Variants in ACSM6 observed in about 807,000 individuals in gnomAD.
ACSM6 encodes acyl-CoA synthetase medium chain family member 6.
In ACSM6, 35 loss-of-function variants were observed where a neutral mutation model predicts 51.1. The observed-to-expected ratio is 0.69, with a 90% CI of 0.52 to 0.91. ACSM6 has a LOEUF of 0.91. Among genes scored for constraint, ACSM6 ranks in the 40% least tolerant of loss-of-function variants. ACSM6 has a pLI of 0.00. For missense variants in ACSM6, 509 were observed against 584.1 expected (o/e 0.87, Z 1.32); for synonymous variants, 172 against 207.3 (o/e 0.83, Z 1.46).
intron 10 of ACSM6, among the ~76,000 whole-genome samples, chr10:95,227,079 C>T (rs140389196): frequency 0.012 from 1,761 of 151,886 alleles, 17 homozygotes; most frequent in Non-Finnish European, 0.021. Context: ...CTCCACCTCC[C>T]GGGTTCAAGC....
intron 4 of ACSM6, 71 bp downstream of exon 4, chr10:95,207,486 G>A: frequency 1.3e-6 from 2 of 1,488,690 alleles, no homozygotes; most frequent in Non-Finnish European, 1.9e-6. Flanking sequence ...TGATATATGA[G>A]AAAGTGGTGT....
chr10:95,215,096 G>A lies in ACSM6; in HGVS notation c.1119+121G>A, dbSNP rs540104806. The A allele has an allele frequency of 2.4e-6, 3 of 1,226,586 alleles. No individual in the cohort carries two copies. The East Asian group carries it at 7.9e-5, about 32-fold the overall frequency. 76.0% of individuals were successfully genotyped at this position (1,226,586 alleles called of 1,614,324 possible). A position where few individuals can be genotyped will look rare whatever the true frequency, so the allele number is the denominator to read the frequency against. On this transcript the variant is annotated intron_variant, in intron 8 of 10. Coordinates refer to ENST00000341686, the Ensembl canonical transcript of ACSM6. ...CACAACTGGATCTTAAGCACAGGAA[G>A]AGGAAATGGCTTAAACTAGGGAGAC... is the stretch of plus-strand genomic sequence containing the variant.
At chr10:95,201,549 A>G (rs776667033) in intron 2 of ACSM6, 3 of 454,612 alleles carry the variant, frequency 6.6e-6, no homozygotes, top group Non-Finnish European at 4.4e-6. Flanking sequence ...TCTTTATCCA[A>G]TCATCCACTG....
Position 95,197,836 on chromosome 10 carries a change from C to T in ACSM6, c.192+3159C>T, listed in dbSNP as rs539539203. 4.7e-3 allele frequency among the ~76,000 whole-genome samples: 711 copies of T among 151,936 alleles called. 7 individuals are homozygous for T. Among genetic ancestry groups the T allele is most frequent in the South Asian group, 0.01 (49 of 4,822 alleles). ...CCCACGAGGCCATATTTCAGACTAT[C>T]ACATGGGGAGAAACCTTGGACGATA... On this transcript the variant is annotated intron_variant, in intron 2 of 10. Transcript: ENST00000341686.
intron 4 of ACSM6, among the ~76,000 whole-genome samples, chr10:95,209,750 ATATT>A (rs1399373752): frequency 6.6e-6 from 1 of 152,010 alleles, no homozygotes; most frequent in Non-Finnish European, 1.5e-5. Flanking sequence ...TTTATTTTAT[ATATT>A]TATGTAATGT....
intron 4 of ACSM6, 104 bp from the exon 5 acceptor site, chr10:95,210,546 C>A: frequency 8.4e-7 from 1 of 1,188,430 alleles, no homozygotes; most frequent in Non-Finnish European, 1.2e-6. Flanking sequence ...ATCAAGATAC[C>A]AGCTGTTATT....
chr10:95,194,375 G>C (rs1564584537), intron 1 of ACSM6, 72 bp downstream of exon 1: 3 of 1,001,670 alleles, frequency 3.0e-6, no homozygotes, highest in Non-Finnish European at 4.3e-6. Flanking sequence ...GAAATTGTTT[G>C]CCTTATGGAT....
chr10:95,195,986 C>T lies in ACSM6; in HGVS notation c.192+1309C>T, dbSNP rs190634505. On this transcript the variant is annotated intron_variant, in intron 2 of 10. Coordinates refer to ENST00000341686, the Ensembl canonical transcript of ACSM6. ...TTTCATCTTTGCTGAGCTGTGCCCCCTCTTGGGGTGCCCTCCCCACCCATT... is the reference window on the plus strand; with the variant it reads ...TTTCATCTTTGCTGAGCTGTGCCCCTTCTTGGGGTGCCCTCCCCACCCATT... Among the ~76,000 whole-genome samples the T allele has an allele frequency of 4.9e-5, 6 of 121,570 alleles. No individual in the cohort carries two copies. In the East Asian group the frequency reaches 1.2e-3, roughly 24 times the overall value. The allele number at this position is 121,570 out of a possible 152,430, so 79.8% of individuals were successfully genotyped here.
chr10:95,227,333 T>A (rs2035048629), intron 10 of ACSM6, among the ~76,000 whole-genome samples: 1 of 152,168 alleles, frequency 6.6e-6, no homozygotes, highest in African/African-American at 2.4e-5. Context: ...ACTATCATGA[T>A]CTATTTAACA....
chr10:95,194,687 G>C lies in ACSM6; in HGVS notation c.192+10G>C. On this transcript the variant is annotated intron_variant, in intron 2 of 10. Transcript: ENST00000341686. Reference sequence around the variant, plus strand: ...GTCCCAGCTGGAAAAGGTAAAACTTGTTGTTTTCTACCTTGGAAACTTTGG... The same window carrying C: ...GTCCCAGCTGGAAAAGGTAAAACTTCTTGTTTTCTACCTTGGAAACTTTGG... The C allele has an allele frequency of 6.5e-7, 1 of 1,549,672 alleles. No individual in the cohort carries two copies. Among genetic ancestry groups the C allele is most frequent in the Non-Finnish European group, 8.7e-7 (1 of 1,145,588 alleles).
chr10:95,203,690 C>G (rs1403341214), intron 3 of ACSM6, among the ~76,000 whole-genome samples: 1 of 152,030 alleles, frequency 6.6e-6, no homozygotes, highest in South Asian at 2.1e-4. Flanking sequence ...TATCATTCCT[C>G]TTTATCTGCT....
chr10:95,204,553 A>G (rs1589492433), intron 3 of ACSM6, among the ~76,000 whole-genome samples: 1 of 152,098 alleles, frequency 6.6e-6, no homozygotes, highest in East Asian at 1.9e-4. Context: ...GACTCTGTCT[A>G]TTTAAAAAAA....
chr10:95,220,947 T>TTTA (rs1564591573), intron 9 of ACSM6, among the ~76,000 whole-genome samples: 1 of 152,190 alleles, frequency 6.6e-6, no homozygotes. Flanking sequence ...TTTCTTTCTT[T>TTTA]TTATTTTCTT....
intron 9 of ACSM6, among the ~76,000 whole-genome samples, chr10:95,222,155 G>C (rs1470283077): frequency 6.6e-6 from 1 of 152,128 alleles, no homozygotes; most frequent in Non-Finnish European, 1.5e-5. Context: ...CAGATTACAT[G>C]ATCTTATAGA....
intron 2 of ACSM6, among the ~76,000 whole-genome samples, chr10:95,200,120 G>A (rs527566924): frequency 6.6e-5 from 10 of 152,200 alleles, no homozygotes; most frequent in Admixed American, 2.0e-4. Context: ...ATGATAGACT[G>A]GATTTAGAAA....
chr10:95,225,344 A>G, exon 10 of ACSM6: 1 of 1,551,748 alleles, frequency 6.4e-7, no homozygotes, highest in Non-Finnish European at 8.7e-7. Context: ...AAATATTGCA[A>G]TCCGCATAAA....
intron 4 of ACSM6, among the ~76,000 whole-genome samples, chr10:95,210,101 T>G (rs1196283982): frequency 6.6e-6 from 1 of 152,254 alleles, no homozygotes; most frequent in Admixed American, 6.5e-5. Context: ...ATTTTTGCAT[T>G]AGTTTTCATT....
chr10:95,225,411 T>C lies in ACSM6; in HGVS notation c.1302+20T>C. ...CACATGGTAAGAAAATTTTCTTCTT[T>C]CCTAAATACTTTCATTGTTGCTACT... On this transcript the variant is annotated intron_variant, in intron 10 of 10. Transcript: ENST00000341686. The C allele has an allele frequency of 2.1e-6, 3 of 1,420,748 alleles. No homozygotes were observed. The South Asian group carries it at 3.9e-5, about 18-fold the overall frequency. The allele number at this position is 1,420,748 out of a possible 1,614,324, so 88.0% of individuals were successfully genotyped here.
chr10:95,202,698 C>T (rs1266537303), intron 3 of ACSM6, among the ~76,000 whole-genome samples: 2 of 151,750 alleles, frequency 1.3e-5, no homozygotes, highest in Admixed American at 1.3e-4. Context: ...CCAAGGCAGG[C>T]AGATTGTCTG....
Sources: gnomAD v4.1 joint callset for allele counts (sites outside exome capture counted in the v4.1 genomes callset) on GRCh38, gnomAD v4.1.1 for gene constraint, MANE v1.5 for transcripts, NCBI Gene and HGNC (gene_info 2026-07-23, HGNC 2026-07-21) for gene names.